The following ZNF573 variants were observed in gnomAD, a reference collection of about 807,000 sequenced individuals.
ZNF573 encodes the protein zinc finger protein 573.
ZNF573 carries 41 observed loss-of-function variants against 57.4 expected under a neutral mutation model. The ratio of observed to expected loss-of-function variants is 0.71; its 90% CI spans 0.56 to 0.93. The LOEUF (loss-of-function observed/expected upper bound fraction) is 0.93. Among genes scored for constraint, ZNF573 ranks in the 40% least tolerant of loss-of-function variants. The pLI is 0.00. For synonymous variants in ZNF573, 249 were observed against 261.0 expected (o/e 0.95, Z 0.44); for missense variants, 730 against 794.8 (o/e 0.92, Z 0.98).
chr19:37,773,863 T>C lies in ZNF573; in HGVS notation c.-22-112A>G, dbSNP rs2045681951. 6.2e-6 allele frequency: 4 copies of C among 647,898 alleles called. No individual in the cohort carries two copies. In the South Asian group the frequency reaches 8.4e-5, roughly 14 times the overall value. The allele number at this position is 647,898 out of a possible 1,614,324, so 40.1% of individuals were successfully genotyped here. ...ATCCCTCACAACTGAACATATAACT[T>C]AGGGAAAAACAGACAATGAATCTAA... On this transcript the variant is annotated intron_variant, in intron 1 of 4. Coordinates refer to ENST00000536220, the MANE Select transcript of ZNF573 (RefSeq NM_001172690.2).
At chr19:37,744,090 T>C (rs2045354019) in intron 4 of ZNF573, among the ~76,000 whole-genome samples, 1 of 150,478 alleles carries the variant, frequency 6.6e-6, no homozygotes, top group Non-Finnish European at 1.5e-5. Flanking sequence ...GTTCTGCACA[T>C]GTATCCATGT....
intron 4 of ZNF573, chr19:37,755,402 G>C (rs1599693350): frequency 6.6e-6 from 1 of 152,090 alleles, no homozygotes; most frequent in Non-Finnish European, 1.5e-5. Context: ...TAACCACATA[G>C]AGCGCCAACA....
intron 4 of ZNF573, among the ~76,000 whole-genome samples, chr19:37,744,334 G>T (rs1323590243): frequency 1.3e-5 from 2 of 152,006 alleles, no homozygotes; most frequent in Non-Finnish European, 2.9e-5. Context: ...ATGGCATGGG[G>T]TTCACATGGT....
chr19:37,756,204 A>G (rs1007859644), intron 4 of ZNF573, among the ~76,000 whole-genome samples: 1 of 152,204 alleles, frequency 6.6e-6, no homozygotes, highest in Admixed American at 6.5e-5. Flanking sequence ...TCAGAATAAG[A>G]GATCTTTAGA....
chr19:37,752,682 T>C (rs1252206997), intron 4 of ZNF573, among the ~76,000 whole-genome samples: 1 of 152,162 alleles, frequency 6.6e-6, no homozygotes. Flanking sequence ...TTCCCTAGGC[T>C]GGAGTACAGT....
At chr19:37,745,274 G>T (rs577701659) in intron 4 of ZNF573, among the ~76,000 whole-genome samples, 2 of 151,890 alleles carry the variant, frequency 1.3e-5, no homozygotes, top group African/African-American at 4.8e-5. Flanking sequence ...ATGAGGTTTC[G>T]CCATGTTGGC....
intron 3 of ZNF573, among the ~76,000 whole-genome samples, chr19:37,770,832 TTATATATATATATATATATA>T (rs58757674): frequency 0.4 from 37,482 of 93,862 alleles, 8,343 homozygotes; most frequent in Non-Finnish European, 0.47. Context: ...TTAAGTTATT[TTATATATATATATATATATA>T]TATATATATA....
At chr19:37,754,519 CAA>C (rs11316334) in intron 4 of ZNF573, among the ~76,000 whole-genome samples, 257 of 85,554 alleles carry the variant, frequency 3.0e-3, no homozygotes, top group African/African-American at 7.9e-3. Flanking sequence ...GACTCCACCT[CAA>C]AAAAAAAAAA....
chr19:37,765,150 C>A (rs1055171412), intron 4 of ZNF573, among the ~76,000 whole-genome samples: 4 of 152,074 alleles, frequency 2.6e-5, no homozygotes, highest in Admixed American at 2.0e-4. Flanking sequence ...AGGCTGGCCT[C>A]CCAAAGTGCT....
intron 4 of ZNF573, among the ~76,000 whole-genome samples, chr19:37,745,274 G>C (rs577701659): frequency 6.6e-6 from 1 of 151,890 alleles, no homozygotes; most frequent in East Asian, 1.9e-4. Flanking sequence ...ATGAGGTTTC[G>C]CCATGTTGGC....
chr19:37,745,216 A>G (rs1317558572), intron 4 of ZNF573, among the ~76,000 whole-genome samples: 1 of 152,110 alleles, frequency 6.6e-6, no homozygotes, highest in African/African-American at 2.4e-5. Context: ...CTGGGGCCAC[A>G]GGCACCCACC....
chr19:37,769,438 A>G (rs2045633260), intron 4 of ZNF573, among the ~76,000 whole-genome samples: 1 of 151,256 alleles, frequency 6.6e-6, no homozygotes, highest in Non-Finnish European at 1.5e-5. Context: ...TGCACTAAAG[A>G]AAAACGAGGC....
intron 4 of ZNF573, among the ~76,000 whole-genome samples, chr19:37,762,753 G>C (rs1295424664): frequency 6.6e-6 from 1 of 151,072 alleles, no homozygotes. Flanking sequence ...ACCAGATATT[G>C]TACCAACCTT....
rs565592272 is a variant in ZNF573 at position 37,739,529 on chromosome 19, G to T, written c.961C>A (p.Gln321Lys). Residue 321 changes from glutamine (Q) to lysine (K), a missense_variant, in exon 5 of 5, where the codon CAG becomes AAG. Physicochemically the swap from Gln to Lys is moderately conservative, Grantham distance 53 (BLOSUM62 1). Transcript: ENST00000536220. ...GGCTTTTTACCAGTGTGAACTCTCTGATGTACAGTAAGCTGGTGACCTCTT... is the reference window on the plus strand; with the variant it reads ...GGCTTTTTACCAGTGTGAACTCTCTTATGTACAGTAAGCTGGTGACCTCTT... ...FRRGHQLTVH[Q>K]RVHTGKKPYE... 1.1e-5 allele frequency: 17 copies of T among 1,612,932 alleles called. No individual in the cohort carries two copies. In the South Asian group the frequency reaches 1.9e-4, roughly 18 times the overall value.
rs747633696 is a variant in ZNF573 at position 37,738,931 on chromosome 19, T to A, written c.1559A>T (p.His520Leu). The A allele has an allele frequency of 6.2e-7, 1 of 1,610,500 alleles. No individual in the cohort carries two copies. Among genetic ancestry groups the A allele is most frequent in the Admixed American group, 1.7e-5 (1 of 59,956 alleles). The change falls in exon 5 of 5, where the codon CAT becomes CTT. Residue 520 changes from histidine (H) to leucine (L), a missense_variant. His to Leu is a moderately conservative substitution (Grantham distance 99, BLOSUM62 -3). Coordinates refer to ENST00000536220, the MANE Select transcript of ZNF573 (RefSeq NM_001172690.2). Reference sequence around the variant, plus strand: ...ACATTCATAGGGTTTCATACCAGTATGAATTTTCTGATGTTGATTAAGATA... The same window carrying A: ...ACATTCATAGGGTTTCATACCAGTAAGAATTTTCTGATGTTGATTAAGATA... ...HGYLNQHQKI[H>L]TGMKPYECKV...
intron 4 of ZNF573, among the ~76,000 whole-genome samples, chr19:37,753,994 G>T (rs1037185246): frequency 6.6e-6 from 1 of 152,136 alleles, no homozygotes; most frequent in Non-Finnish European, 1.5e-5. Context: ...AGGCTCTTTG[G>T]TCATTATCAA....
intron 2 of ZNF573, among the ~76,000 whole-genome samples, chr19:37,772,621 C>A (rs915286486): frequency 6.6e-6 from 1 of 151,108 alleles, no homozygotes; most frequent in East Asian, 2.0e-4. Context: ...TCTTTTACCT[C>A]GTGTACATTT....
chr19:37,764,697 G>T (rs112570636), intron 4 of ZNF573, among the ~76,000 whole-genome samples: 23,556 of 150,390 alleles, frequency 0.16, 2,055 homozygotes, highest in Middle Eastern at 0.28. Context: ...TCCACCTCCC[G>T]GGTTCACACC....
At chr19:37,775,745 T>C (rs2045701439) in intron 1 of ZNF573, among the ~76,000 whole-genome samples, 1 of 147,286 alleles carries the variant, frequency 6.8e-6, no homozygotes, top group African/African-American at 2.5e-5. Context: ...AGTTTCAAGA[T>C]ACAAAATTAA....
Sources: gnomAD v4.1 joint callset for allele counts (sites outside exome capture counted in the v4.1 genomes callset) on GRCh38, gnomAD v4.1.1 for gene constraint, MANE v1.5 for transcripts, NCBI Gene and HGNC (gene_info 2026-07-23, HGNC 2026-07-21) for gene names.